Variants in TMEM266 observed in about 807,000 individuals in gnomAD.
TMEM266 encodes the protein transmembrane protein 266, also known as Hv1 related protein 1.
In TMEM266, 33 loss-of-function variants were observed where a neutral mutation model predicts 50.5. The ratio of observed to expected loss-of-function variants is 0.65; its 90% CI spans 0.50 to 0.87. TMEM266 has a LOEUF of 0.87. Among genes scored for constraint, TMEM266 ranks in the 40% least tolerant of loss-of-function variants. The pLI, the probability that TMEM266 is intolerant of heterozygous loss-of-function variation, is 0.00. For synonymous variants in TMEM266, 310 were observed against 292.3 expected (o/e 1.06, Z -0.62); for missense variants, 655 against 695.1 (o/e 0.94, Z 0.65).
At chr15:76,177,204 C>G (rs549783731) in intron 8 of TMEM266, among the ~76,000 whole-genome samples, 2 of 152,246 alleles carry the variant, frequency 1.3e-5, no homozygotes, top group African/African-American at 4.8e-5. Flanking sequence ...CAGCTCTTCC[C>G]GCTGAAATAG....
intron 8 of TMEM266, among the ~76,000 whole-genome samples, chr15:76,184,671 G>A (rs932579951): frequency 6.6e-6 from 1 of 152,122 alleles, no homozygotes; most frequent in Admixed American, 6.5e-5. Flanking sequence ...GTGTCAATTG[G>A]ACTCCACAAC....
intron 1 of TMEM266, among the ~76,000 whole-genome samples, chr15:76,084,596 TGG>T (rs1491024505): frequency 8.5e-4 from 126 of 147,814 alleles, no homozygotes; most frequent in African/African-American, 3.2e-3. Context: ...GGGTTTTTTT[TGG>T]TTTTTTTTTT....
At chr15:76,197,397 A>C (rs1307080800) in intron 9 of TMEM266, among the ~76,000 whole-genome samples, 2 of 152,210 alleles carry the variant, frequency 1.3e-5, no homozygotes, top group South Asian at 4.1e-4. Context: ...GGCTTCATGG[A>C]TGCATGACCT....
chr15:76,190,764 G>T (rs1281223846), intron 8 of TMEM266, among the ~76,000 whole-genome samples: 6 of 152,208 alleles, frequency 3.9e-5, no homozygotes, highest in Admixed American at 3.9e-4. Flanking sequence ...TGGAGGCATT[G>T]GCGATGAGAG....
rs145684135 is a variant in TMEM266 at position 76,105,684 on chromosome 15, C to T, written c.-96-28484C>T. Among the ~76,000 whole-genome samples the T allele has an allele frequency of 1.4e-3, 219 of 152,286 alleles. 3 individuals carry two copies. The highest frequency in any genetic ancestry group is 4.0e-3 in the African/African-American group (167 of 41,566). On this transcript the variant is annotated intron_variant, in intron 1 of 10. Coordinates refer to ENST00000388942, the MANE Select transcript of TMEM266 (RefSeq NM_152335.3). ...GGCTTGTAGGCCATGATTTGCCAAG[C>T]GCTGCTCAAAGAGATGGCAGGAATG... is the stretch of plus-strand genomic sequence containing the variant.
chr15:76,082,768 A>C (rs1306219204), intron 1 of TMEM266, among the ~76,000 whole-genome samples: 2 of 152,172 alleles, frequency 1.3e-5, no homozygotes, highest in Non-Finnish European at 2.9e-5. Context: ...CAGGAGTTCG[A>C]GACCAGCCTG....
intron 1 of TMEM266, among the ~76,000 whole-genome samples, chr15:76,071,654 A>G (rs2036541095): frequency 6.6e-6 from 1 of 152,190 alleles, no homozygotes; most frequent in Non-Finnish European, 1.5e-5. Flanking sequence ...GCTGTCAGCC[A>G]AGGGAGAGCT....
At chr15:76,084,353 A>G (rs2036739954) in intron 1 of TMEM266, among the ~76,000 whole-genome samples, 1 of 152,146 alleles carries the variant, frequency 6.6e-6, no homozygotes, top group Non-Finnish European at 1.5e-5. Flanking sequence ...AAGGATGAGT[A>G]GGCGTTAGCT....
At chr15:76,112,073 T>C (rs2037178877) in intron 1 of TMEM266, 2 of 152,160 alleles carry the variant, frequency 1.3e-5, no homozygotes, top group Non-Finnish European at 2.9e-5. Context: ...TATTTGACCT[T>C]CTGAAAAAGG....
At chr15:76,088,337 G>A (rs2036802166) in intron 1 of TMEM266, among the ~76,000 whole-genome samples, 1 of 152,162 alleles carries the variant, frequency 6.6e-6, no homozygotes, top group South Asian at 2.1e-4. Flanking sequence ...TGGGCCTGAA[G>A]AAGTTAGGAA....
chr15:76,195,367 T>G (rs764765127), intron 9 of TMEM266, among the ~76,000 whole-genome samples: 17 of 152,348 alleles, frequency 1.1e-4, no homozygotes, highest in Admixed American at 5.9e-4. Context: ...TGTTCTGGTG[T>G]GGAGCCCTGC....
intron 1 of TMEM266, among the ~76,000 whole-genome samples, chr15:76,130,383 T>TA (rs1340851367): frequency 4.0e-5 from 6 of 150,012 alleles, no homozygotes; most frequent in Admixed American, 2.7e-4. Flanking sequence ...ACTAATAATA[T>TA]AAAAAAAATT....
chr15:76,173,376 G>A (rs2038217326), intron 7 of TMEM266, among the ~76,000 whole-genome samples: 1 of 152,166 alleles, frequency 6.6e-6, no homozygotes, highest in South Asian at 2.1e-4. Context: ...TTCGAGGGGT[G>A]CGGGAACAGT....
At chr15:76,183,587 A>T (rs2038452564) in intron 8 of TMEM266, among the ~76,000 whole-genome samples, 1 of 152,184 alleles carries the variant, frequency 6.6e-6, no homozygotes, top group African/African-American at 2.4e-5. Context: ...GGGGCACCAG[A>T]TGCTGTCAGA....
At chr15:76,192,211 G>A (rs919764167) in intron 9 of TMEM266, 54 bp downstream of exon 9, 4 of 1,380,758 alleles carry the variant, frequency 2.9e-6, no homozygotes, top group African/African-American at 3.1e-5. Flanking sequence ...GATCCCCCTC[G>A]CCTCCCTCTC....
At chr15:76,117,797 G>A (rs1567157193) in intron 1 of TMEM266, among the ~76,000 whole-genome samples, 1 of 152,144 alleles carries the variant, frequency 6.6e-6, no homozygotes, top group Non-Finnish European at 1.5e-5. Context: ...GGAGGTGTTT[G>A]TAAAATTAAA....
At chr15:76,163,142 G>A (rs1025286117) in intron 5 of TMEM266, among the ~76,000 whole-genome samples, 22 of 152,204 alleles carry the variant, frequency 1.4e-4, no homozygotes, top group Non-Finnish European at 4.4e-5. Flanking sequence ...CTGCAGGAAT[G>A]GCAGGTGGGC....
intron 1 of TMEM266, among the ~76,000 whole-genome samples, chr15:76,079,715 C>T (rs748977360): frequency 4.9e-5 from 7 of 144,202 alleles, no homozygotes; most frequent in South Asian, 2.3e-4. Flanking sequence ...CAGAGCTTGC[C>T]GTGAGCCGAG....
chr15:76,124,328 G>C (rs893153242), intron 1 of TMEM266, among the ~76,000 whole-genome samples: 2 of 152,200 alleles, frequency 1.3e-5, no homozygotes, highest in Admixed American at 1.3e-4. Flanking sequence ...GGCATGGAAG[G>C]ATGAGAAGAG....
Sources: allele counts gnomAD v4.1 joint callset (sites outside exome capture counted in the v4.1 genomes callset), GRCh38; gene constraint gnomAD v4.1.1; transcripts MANE v1.5; gene names NCBI Gene and HGNC (gene_info 2026-07-23, HGNC 2026-07-21).